The following GABRB1 variants were observed in gnomAD, a reference collection of about 807,000 sequenced individuals.
GABRB1 encodes gamma-aminobutyric acid type A receptor subunit beta1, also known as gamma-aminobutyric acid receptor subunit beta-1.
GABRB1 carries 17 observed loss-of-function variants against 51.6 expected under a neutral mutation model. The observed-to-expected ratio is 0.33, with a 90% CI of 0.23 to 0.49. GABRB1 has a LOEUF of 0.49. GABRB1 is among the 20% of genes least tolerant of loss of function. GABRB1 has a pLI of 0.99. For missense variants in GABRB1, 410 were observed against 600.6 expected (o/e 0.68, Z 3.32); for synonymous variants, 247 against 218.9 (o/e 1.13, Z -1.14).
chr4:47,068,036 G>A (rs138136690), intron 3 of GABRB1, among the ~76,000 whole-genome samples: 5 of 152,212 alleles, frequency 3.3e-5, no homozygotes, highest in South Asian at 4.2e-4. Context: ...AGCTTCATCC[G>A]TGTCTCTGAA....
intron 5 of GABRB1, among the ~76,000 whole-genome samples, chr4:47,384,535 T>C (rs564289927): frequency 6.6e-6 from 1 of 152,096 alleles, no homozygotes; most frequent in South Asian, 2.1e-4. Context: ...AAACCAAAAA[T>C]ACCATAGAGA....
At chr4:47,301,633 CA>C (rs11435118) in intron 4 of GABRB1, among the ~76,000 whole-genome samples, 1 of 144,838 alleles carries the variant, frequency 6.9e-6, no homozygotes, top group Non-Finnish European at 1.5e-5. Context: ...GACTCTGTCT[CA>C]AAAAAAAAAA....
At chr4:47,328,125 G>C (rs1338107284) in intron 5 of GABRB1, among the ~76,000 whole-genome samples, 1 of 152,106 alleles carries the variant, frequency 6.6e-6, no homozygotes, top group African/African-American at 2.4e-5. Flanking sequence ...CGAAGTGTCT[G>C]TTCATATCCT....
intron 1 of GABRB1, among the ~76,000 whole-genome samples, chr4:47,015,406 T>A (rs1443605875): frequency 1.3e-5 from 2 of 152,200 alleles, no homozygotes; most frequent in Non-Finnish European, 2.9e-5. Flanking sequence ...GAGTAACTAT[T>A]ATATATGTCA....
intron 5 of GABRB1, among the ~76,000 whole-genome samples, chr4:47,384,007 T>A (rs1358019877): frequency 6.6e-6 from 1 of 152,142 alleles, no homozygotes; most frequent in Non-Finnish European, 1.5e-5. Context: ...TGCCTATGAA[T>A]CTGGAAGATC....
intron 3 of GABRB1, among the ~76,000 whole-genome samples, chr4:47,082,337 T>C (rs968571725): frequency 1.3e-5 from 2 of 152,088 alleles, no homozygotes; most frequent in African/African-American, 4.8e-5. Context: ...CATTAAATTC[T>C]AGCTAAATAC....
intron 5 of GABRB1, among the ~76,000 whole-genome samples, chr4:47,394,956 A>T (rs1728131863): frequency 6.6e-6 from 1 of 152,194 alleles, no homozygotes; most frequent in South Asian, 2.1e-4. Flanking sequence ...GAGCAGACTC[A>T]GCAGATCTGA....
chr4:47,271,663 C>T (rs1324086120), intron 4 of GABRB1, among the ~76,000 whole-genome samples: 1 of 152,158 alleles, frequency 6.6e-6, no homozygotes, highest in African/African-American at 2.4e-5. Flanking sequence ...TTACCCTATA[C>T]ACAATTTTAT....
intron 3 of GABRB1, among the ~76,000 whole-genome samples, chr4:47,035,265 T>C (rs1237297504): frequency 6.6e-6 from 1 of 152,130 alleles, no homozygotes; most frequent in African/African-American, 2.4e-5. Context: ...TCAAGAGTAT[T>C]ATCTGATTTC....
intron 3 of GABRB1, among the ~76,000 whole-genome samples, chr4:47,127,205 C>T (rs893064659): frequency 1.3e-5 from 2 of 151,558 alleles, no homozygotes; most frequent in African/African-American, 4.8e-5. Flanking sequence ...GAATAGTAGA[C>T]TGAAGAACTT....
At chr4:47,069,826 G>A (rs181861683) in intron 3 of GABRB1, among the ~76,000 whole-genome samples, 2 of 151,978 alleles carry the variant, frequency 1.3e-5, no homozygotes, top group East Asian at 3.9e-4. Flanking sequence ...TTTTTAAAGT[G>A]TTGACTATAC....
At chr4:47,123,309 A>G (rs1715871741) in intron 3 of GABRB1, among the ~76,000 whole-genome samples, 1 of 137,472 alleles carries the variant, frequency 7.3e-6, no homozygotes, top group Admixed American at 8.2e-5. Context: ...AATATGTATT[A>G]TATAATATTA....
At chr4:47,166,757 T>C (rs1055473322) in intron 4 of GABRB1, among the ~76,000 whole-genome samples, 3 of 152,096 alleles carry the variant, frequency 2.0e-5, no homozygotes, top group Non-Finnish European at 4.4e-5. Context: ...AATTCAAATA[T>C]AACTGGGAAA....
intron 4 of GABRB1, among the ~76,000 whole-genome samples, chr4:47,197,306 A>C (rs1340120673): frequency 6.6e-6 from 1 of 151,998 alleles, no homozygotes; most frequent in Non-Finnish European, 1.5e-5. Context: ...TGTTCATGGG[A>C]TTTTATTTTT....
intron 5 of GABRB1, among the ~76,000 whole-genome samples, chr4:47,395,951 T>G (rs1259671204): frequency 1.3e-5 from 2 of 152,162 alleles, no homozygotes; most frequent in Admixed American, 6.6e-5. Flanking sequence ...ATTTTTAATA[T>G]TATATATAAG....
chr4:47,270,316 T>A (rs1722822342), intron 4 of GABRB1, among the ~76,000 whole-genome samples: 1 of 152,018 alleles, frequency 6.6e-6, no homozygotes, highest in South Asian at 2.1e-4. Flanking sequence ...AGTAAGTGAG[T>A]TTACCTCCAG....
At chr4:47,082,224 C>T (rs1727880572) in intron 3 of GABRB1, among the ~76,000 whole-genome samples, 1 of 151,842 alleles carries the variant, frequency 6.6e-6, no homozygotes, top group African/African-American at 2.4e-5. Context: ...CCAAAATTAA[C>T]TTATTTTTAA....
chr4:47,335,809 C>A (rs967202754), intron 5 of GABRB1, among the ~76,000 whole-genome samples: 9 of 152,030 alleles, frequency 5.9e-5, no homozygotes, highest in Admixed American at 5.9e-4. Flanking sequence ...ATCTCAGATA[C>A]CATGTTCACA....
intron 3 of GABRB1, among the ~76,000 whole-genome samples, chr4:47,046,112 C>T (rs1239354580): frequency 1.3e-5 from 2 of 152,020 alleles, no homozygotes; most frequent in Non-Finnish European, 2.9e-5. Context: ...CCTTCTCTCT[C>T]CGGCCACTCT....
Sources: gnomAD v4.1 joint callset for allele counts (sites outside exome capture counted in the v4.1 genomes callset) on GRCh38, gnomAD v4.1.1 for gene constraint, MANE v1.5 for transcripts, NCBI Gene and HGNC (gene_info 2026-07-23, HGNC 2026-07-21) for gene names.